Variants in PTPRK observed in about 807,000 individuals in gnomAD.
PTPRK encodes the protein receptor-type tyrosine-protein phosphatase kappa.
A neutral mutation model predicts 178.0 loss-of-function variants in PTPRK; 75 were observed. The observed-to-expected ratio is 0.42, with a 90% CI of 0.35 to 0.51. PTPRK has a LOEUF of 0.51. Ranked by LOEUF, PTPRK falls within the 20% of genes least tolerant of loss-of-function variation. PTPRK has a pLI of 0.02. For synonymous variants in PTPRK, 637 were observed against 620.6 expected, an observed-to-expected ratio of 1.03 and a Z score of -0.39; for missense variants, 1,441 against 1,797.8, an observed-to-expected ratio of 0.80 and a Z score of 3.59.
chr6:128,357,675 T>C (rs1302100505), intron 2 of PTPRK, among the ~76,000 whole-genome samples: 1 of 152,210 alleles, frequency 6.6e-6, no homozygotes, highest in Non-Finnish European at 1.5e-5. Flanking sequence ...CCCAAATAAT[T>C]ATAAATATTC....
chr6:128,384,280 T>A (rs1035358166), intron 2 of PTPRK, among the ~76,000 whole-genome samples: 1 of 152,208 alleles, frequency 6.6e-6, no homozygotes, highest in Non-Finnish European at 1.5e-5. Context: ...TTTTTATCAA[T>A]AGAAAACTTT....
chr6:128,406,788 C>T (rs913497413), intron 1 of PTPRK, among the ~76,000 whole-genome samples: 1 of 152,212 alleles, frequency 6.6e-6, no homozygotes, highest in African/African-American at 2.4e-5. Context: ...CAGTAACTTT[C>T]TCCTCAAATT....
At chr6:128,439,001 C>T (rs1402265199) in intron 1 of PTPRK, among the ~76,000 whole-genome samples, 1 of 152,056 alleles carries the variant, frequency 6.6e-6, no homozygotes, top group Non-Finnish European at 1.5e-5. Context: ...AACGTTCTTT[C>T]CATTAAACAG....
At chr6:128,201,308 GAAT>G (rs1805907763) in intron 6 of PTPRK, among the ~76,000 whole-genome samples, 1 of 152,162 alleles carries the variant, frequency 6.6e-6, no homozygotes. Context: ...AGCAATAGCA[GAAT>G]AATTTCTTAA....
intron 1 of PTPRK, among the ~76,000 whole-genome samples, chr6:128,442,074 A>C (rs370649172): frequency 6.6e-6 from 1 of 152,230 alleles, no homozygotes. Flanking sequence ...AGACAAGTAA[A>C]GATGAATACT....
intron 1 of PTPRK, among the ~76,000 whole-genome samples, chr6:128,427,678 C>T (rs187908361): frequency 1.1e-4 from 17 of 152,254 alleles, no homozygotes; most frequent in African/African-American, 3.4e-4. Flanking sequence ...AGCTAGATAT[C>T]GTCTTCAATT....
intron 7 of PTPRK, among the ~76,000 whole-genome samples, chr6:128,154,208 TTAA>T (rs1797669651): frequency 6.6e-6 from 1 of 151,666 alleles, no homozygotes; most frequent in Non-Finnish European, 1.5e-5. Flanking sequence ...TTGATATATA[TTAA>T]TAATTAAAAT....
chr6:127,995,408 G>C lies in PTPRK; in HGVS notation c.2844+54C>G, dbSNP rs1562400513. 2.7e-6 allele frequency: 4 copies of C among 1,477,902 alleles called. No homozygotes were observed. In the African/African-American group the frequency reaches 4.2e-5, roughly 16 times the overall value. The allele number at this position is 1,477,902 out of a possible 1,614,324, so 91.5% of individuals were successfully genotyped here. A position where few individuals can be genotyped will look rare whatever the true frequency, so the allele number is the denominator to read the frequency against. ...TCACTTTATAGGTAATAAGCAAAAA[G>C]GTTCATATATATAAGCCAATAAAGT... On this transcript the variant is annotated intron_variant, in intron 18 of 29. Transcript: ENST00000368226.
chr6:128,455,966 T>G (rs1848333294), intron 1 of PTPRK, among the ~76,000 whole-genome samples: 1 of 152,040 alleles, frequency 6.6e-6, no homozygotes, highest in Non-Finnish European at 1.5e-5. Context: ...CAATGTGATC[T>G]CCCAGCGTGA....
intron 11 of PTPRK, among the ~76,000 whole-genome samples, chr6:128,069,598 T>C (rs897499601): frequency 2.0e-4 from 31 of 152,164 alleles, no homozygotes; most frequent in Non-Finnish European, 4.1e-4. Context: ...AACTCCCTCA[T>C]ACATGCTCTC....
intron 7 of PTPRK, among the ~76,000 whole-genome samples, chr6:128,141,113 T>C (rs937328233): frequency 3.3e-5 from 5 of 152,012 alleles, no homozygotes; most frequent in African/African-American, 1.2e-4. Flanking sequence ...GAGTTGATTC[T>C]TGATGGAACT....
intron 13 of PTPRK, among the ~76,000 whole-genome samples, chr6:128,014,554 A>C (rs1779390103): frequency 6.6e-6 from 1 of 151,726 alleles, no homozygotes; most frequent in African/African-American, 2.4e-5. Context: ...ATGGGATAGT[A>C]GAAATAGTAG....
At chr6:128,329,957 T>C (rs1830052909) in intron 2 of PTPRK, among the ~76,000 whole-genome samples, 1 of 152,170 alleles carries the variant, frequency 6.6e-6, no homozygotes, top group Non-Finnish European at 1.5e-5. Flanking sequence ...GACTAAGTAA[T>C]ATTCTATCCT....
chr6:128,075,603 C>T lies in PTPRK; in HGVS notation c.1883+3210G>A, dbSNP rs750676925. Among the ~76,000 whole-genome samples the T allele has an allele frequency of 3.3e-5, 5 of 152,026 alleles. No homozygotes were observed. In the South Asian group the frequency reaches 6.2e-4, roughly 19 times the overall value. On this transcript the variant is annotated intron_variant, in intron 11 of 29. Coordinates refer to ENST00000368226, the MANE Select transcript of PTPRK (RefSeq NM_002844.4). ...TTAATTTAGGAGTCTACCACTCACA[C>T]GGGTGCACATACTAATTGCCTTAAG... is the stretch of plus-strand genomic sequence containing the variant.
At chr6:128,309,887 G>A (rs1298914828) in intron 3 of PTPRK, among the ~76,000 whole-genome samples, 1 of 151,648 alleles carries the variant, frequency 6.6e-6, no homozygotes, top group East Asian at 1.9e-4. Flanking sequence ...AATGGTTTAA[G>A]TAATCTCCCT....
intron 13 of PTPRK, among the ~76,000 whole-genome samples, chr6:128,030,826 C>T (rs1006239645): frequency 6.6e-6 from 1 of 152,134 alleles, no homozygotes; most frequent in Non-Finnish European, 1.5e-5. Context: ...CCTCAAAAGT[C>T]TAAAATGTCA....
chr6:128,120,301 A>G (rs1792250487), intron 7 of PTPRK, among the ~76,000 whole-genome samples: 1 of 151,948 alleles, frequency 6.6e-6, no homozygotes, highest in Non-Finnish European at 1.5e-5. Flanking sequence ...TCTTAAAGGT[A>G]TTCTATGTAG....
At chr6:128,214,716 G>T (rs1808922269) in intron 6 of PTPRK, among the ~76,000 whole-genome samples, 1 of 152,048 alleles carries the variant, frequency 6.6e-6, no homozygotes, top group African/African-American at 2.4e-5. Context: ...TGAAGAATTG[G>T]AAAGAACGTG....
rs1002889787 is a variant in PTPRK, at chr6:128,493,358, C to G, written c.100+26901G>C. Among the ~76,000 whole-genome samples the G allele has an allele frequency of 7.9e-5, 12 of 152,022 alleles. No individual in the cohort carries two copies. In the South Asian group the frequency reaches 1.5e-3, roughly 18 times the overall value. ...TGGGCTGATCACGAGGTCAGGAGAT[C>G]AAGACCATCCTGGCTAACACAGTGA... On this transcript the variant is annotated intron_variant, in intron 1 of 29. Transcript: ENST00000368226.
Sources: allele counts gnomAD v4.1 joint callset (sites outside exome capture counted in the v4.1 genomes callset), GRCh38; gene constraint gnomAD v4.1.1; transcripts MANE v1.5; gene names NCBI Gene and HGNC (gene_info 2026-07-23, HGNC 2026-07-21).